Variants in ZNF407 observed in about 807,000 individuals in gnomAD.
The protein encoded by ZNF407 is zinc finger protein 407.
A neutral mutation model predicts 131.2 loss-of-function variants in ZNF407; 17 were observed. The observed-to-expected ratio is 0.13, with a 90% CI of 0.09 to 0.19. ZNF407 has a LOEUF of 0.19. Among genes scored for constraint, ZNF407 ranks in the 10% least tolerant of loss-of-function variants. The probability of loss-of-function intolerance (pLI) is 1.00; values close to 1 mark genes in which losing one functional copy is unlikely to be tolerated. For synonymous variants in ZNF407, 1,156 were observed against 1,062.0 expected, an observed-to-expected ratio of 1.09 and a Z score of -1.72; for missense variants, 2,681 against 2,830.6, an observed-to-expected ratio of 0.95 and a Z score of 1.20.
At chr18:75,036,710 T>C (rs1973312751) in intron 8 of ZNF407, among the ~76,000 whole-genome samples, 1 of 152,236 alleles carries the variant, frequency 6.6e-6, no homozygotes, top group South Asian at 2.1e-4. Flanking sequence ...GTTGACTGAT[T>C]AGCTGGTATT....
chr18:74,872,049 T>C (rs1372291178), intron 4 of ZNF407, among the ~76,000 whole-genome samples: 1 of 152,032 alleles, frequency 6.6e-6, no homozygotes, highest in East Asian at 1.9e-4. Flanking sequence ...TTTGTATTTT[T>C]AGTAGAGACC....
intron 3 of ZNF407, among the ~76,000 whole-genome samples, chr18:74,672,596 GTTGGAGCACTGTTTTTCTGTTCA>G: frequency 6.9e-6 from 1 of 144,434 alleles, no homozygotes; most frequent in Non-Finnish European, 1.5e-5. Context: ...TTGTCTGTTT[GTTGGAGCACTGTTTTTCTGTTCA>G]TTGGAGCACT....
intron 1 of ZNF407, among the ~76,000 whole-genome samples, chr18:74,619,781 T>C (rs1983443057): frequency 6.6e-6 from 1 of 152,230 alleles, no homozygotes; most frequent in East Asian, 1.9e-4. Flanking sequence ...CTGTTCTATT[T>C]GATGTGAAAC....
At chr18:74,789,687 C>T (rs1568216736) in intron 4 of ZNF407, among the ~76,000 whole-genome samples, 2 of 152,154 alleles carry the variant, frequency 1.3e-5, no homozygotes, top group Admixed American at 6.5e-5. Context: ...CTGTGGCATT[C>T]GTCCTGGAAC....
At chr18:74,827,426 G>A (rs556610900) in intron 4 of ZNF407, among the ~76,000 whole-genome samples, 5 of 151,592 alleles carry the variant, frequency 3.3e-5, no homozygotes, top group East Asian at 1.9e-4. Context: ...ATCAGTTTGC[G>A]CTCATCATTT....
At chr18:74,822,038 T>C (rs1970347809) in intron 4 of ZNF407, among the ~76,000 whole-genome samples, 1 of 152,242 alleles carries the variant, frequency 6.6e-6, no homozygotes, top group Non-Finnish European at 1.5e-5. Flanking sequence ...ATGAGCTTTT[T>C]TTTCATATGT....
chr18:75,060,920 C>T (rs554130613), intron 8 of ZNF407, among the ~76,000 whole-genome samples: 5 of 152,284 alleles, frequency 3.3e-5, no homozygotes, highest in Non-Finnish European at 2.9e-5. Context: ...CTTTCAAATC[C>T]AGGACCGTGT....
At chr18:75,045,906 C>A (rs1165037492) in intron 8 of ZNF407, among the ~76,000 whole-genome samples, 1 of 152,110 alleles carries the variant, frequency 6.6e-6, no homozygotes, top group African/African-American at 2.4e-5. Context: ...TATAAACCAC[C>A]TGTTCTATTA....
At chr18:74,718,297 T>C (rs1269575268) in intron 3 of ZNF407, among the ~76,000 whole-genome samples, 1 of 151,590 alleles carries the variant, frequency 6.6e-6, no homozygotes, top group Non-Finnish European at 1.5e-5. Flanking sequence ...GGTGTGCACT[T>C]GTGTATAAGA....
chr18:74,667,855 CTTTGTT>C (rs1425782644), intron 3 of ZNF407, among the ~76,000 whole-genome samples: 1 of 152,126 alleles, frequency 6.6e-6, no homozygotes, highest in Non-Finnish European at 1.5e-5. Context: ...TAGGGAGTTA[CTTTGTT>C]TTTGATAGAA....
chr18:74,800,282 T>C (rs910839257), intron 4 of ZNF407, among the ~76,000 whole-genome samples: 2 of 152,166 alleles, frequency 1.3e-5, no homozygotes, highest in Admixed American at 6.5e-5. Context: ...AGTTTTGTTA[T>C]TCTTATGCTA....
intron 8 of ZNF407, among the ~76,000 whole-genome samples, chr18:75,034,157 A>G (rs902776257): frequency 1.3e-5 from 2 of 151,804 alleles, no homozygotes; most frequent in Admixed American, 1.3e-4. Context: ...GTGAAAGCAT[A>G]TGTAGATCTG....
Position 74,635,245 on chromosome 18 carries a change from G to T in ZNF407, c.4226G>T (p.Gly1409Val), listed in dbSNP as rs1984401286. ...AAGAAATCTGAGGGCAGTTCCATTGGTGAGTCTACACGAATTCGCTGTGAT... is the reference window on the plus strand; with the variant it reads ...AAGAAATCTGAGGGCAGTTCCATTGTTGAGTCTACACGAATTCGCTGTGAT... Reference protein sequence around the residue: ...KKKKSEGSSIGESTRIRCDDC... With the variant: ...KKKKSEGSSIVESTRIRCDDC... The change falls in exon 2 of 9, where the codon GGT (glycine) becomes GTT (valine). Residue 1409 changes from glycine (G) to valine (V), a missense_variant. Coordinates refer to ENST00000299687, the MANE Select transcript of ZNF407 (RefSeq NM_017757.3). The surrounding 1 kb of genome is among the most constrained non-coding windows in gnomAD (Gnocchi z 4.7). 1 of 1,613,868 alleles carries T rather than the reference G, an allele frequency of 6.2e-7. No homozygotes were observed. Among genetic ancestry groups the T allele is most frequent in the Non-Finnish European group, 8.5e-7 (1 of 1,179,896 alleles).
At chr18:74,778,429 C>A (rs1308570677) in intron 3 of ZNF407, among the ~76,000 whole-genome samples, 1 of 152,136 alleles carries the variant, frequency 6.6e-6, no homozygotes, top group Non-Finnish European at 1.5e-5. Context: ...CTGTAAGATC[C>A]TTGTTCTGTA....
intron 3 of ZNF407, among the ~76,000 whole-genome samples, chr18:74,659,877 G>A (rs1387819751): frequency 6.6e-6 from 1 of 152,094 alleles, no homozygotes; most frequent in Non-Finnish European, 1.5e-5. Context: ...GCATTTGGTA[G>A]TATACAGAAA....
chr18:74,812,278 G>A (rs79898943), intron 4 of ZNF407, among the ~76,000 whole-genome samples: 2,096 of 152,238 alleles, frequency 0.014, 22 homozygotes, highest in South Asian at 0.033. Context: ...AGAAGGTTGT[G>A]AAATGTAAAT....
At position 74,635,023 on chromosome 18, in the gene ZNF407, A is replaced by T; in HGVS notation, c.4004A>T (p.Asp1335Val). The T allele has an allele frequency of 6.2e-7, 1 of 1,614,020 alleles. No homozygotes were observed. Among genetic ancestry groups the T allele is most frequent in the Non-Finnish European group, 8.5e-7 (1 of 1,179,896 alleles). Residue 1335 changes from aspartate to valine, a missense_variant, in exon 2 of 9, where the codon GAT (aspartate) becomes GTT (valine). By Grantham distance (152) the Asp-to-Val change is radical (BLOSUM62 -3). Coordinates refer to ENST00000299687, the MANE Select transcript of ZNF407 (RefSeq NM_017757.3). This position sits in a 1 kb window ranked among gnomAD's most constrained non-coding sequence, Gnocchi z 4.7. ...TCTGATAGCACAGTTGAAAGTAGTG[A>T]TGTCTATGAAACTATAATTAGTATT... is the stretch of plus-strand genomic sequence containing the variant. ...PASDSTVESS[D>V]VYETIISIDD...
intron 3 of ZNF407, among the ~76,000 whole-genome samples, chr18:74,701,024 G>A (rs1051928862): frequency 1.8e-4 from 28 of 152,220 alleles, no homozygotes; most frequent in Admixed American, 7.8e-4. Flanking sequence ...TAAGGGTGGG[G>A]TCCTCATACT....
At chr18:74,654,298 C>A (rs970643776) in intron 3 of ZNF407, among the ~76,000 whole-genome samples, 12 of 151,774 alleles carry the variant, frequency 7.9e-5, no homozygotes. Context: ...GTAAACATGG[C>A]AGCACCTCTG....
Sources: gnomAD v4.1 joint callset for allele counts (sites outside exome capture counted in the v4.1 genomes callset) on GRCh38, gnomAD v4.1.1 for gene constraint, Gnocchi (gnomAD v3.1) non-coding constraint, MANE v1.5 for transcripts, NCBI Gene and HGNC (gene_info 2026-07-23, HGNC 2026-07-21) for gene names.